The following LHFPL2 variants were observed in gnomAD, a reference collection of about 807,000 sequenced individuals.
LHFPL2 encodes the protein LHFPL tetraspan subfamily member 2.
A neutral mutation model predicts 17.5 loss-of-function variants in LHFPL2; 7 were observed. The ratio of observed to expected loss-of-function variants is 0.40; its 90% CI spans 0.23 to 0.75. The LOEUF is 0.75. Ranked by LOEUF, LHFPL2 falls within the 30% of genes least tolerant of loss-of-function variation. The probability of loss-of-function intolerance (pLI) is 0.37; values close to 1 mark genes in which losing one functional copy is unlikely to be tolerated. For synonymous variants in LHFPL2, 134 were observed against 116.2 expected (o/e 1.15, Z -0.99); for missense variants, 241 against 294.8 (o/e 0.82, Z 1.34).
At position 78,608,197 on chromosome 5, in the gene LHFPL2, T is replaced by C. The variant is rs551467791; in HGVS notation, c.-245+24067A>G. ...TTCTAAAAGGAACCAGAGATGGTCA[T>C]GAAAGCAGTGCTTCCTTAGCAGGAA... On this transcript the variant is annotated intron_variant, in intron 2 of 4. Transcript: ENST00000380345. Among the ~76,000 whole-genome samples the C allele has an allele frequency of 9.8e-5, 15 of 152,354 alleles. 1 individual carries two copies. The highest frequency in any genetic ancestry group is 3.4e-4 in the African/African-American group (14 of 41,584).
At chr5:78,642,455 C>T (rs538043593) in intron 1 of LHFPL2, among the ~76,000 whole-genome samples, 1 of 152,292 alleles carries the variant, frequency 6.6e-6, no homozygotes, top group South Asian at 2.1e-4. Context: ...AACATCAGTA[C>T]AAGCCTGGTC....
intron 2 of LHFPL2, among the ~76,000 whole-genome samples, chr5:78,617,577 G>C (rs992937284): frequency 6.6e-5 from 10 of 151,926 alleles, no homozygotes; most frequent in Admixed American, 5.2e-4. Flanking sequence ...TTCCCTAAAA[G>C]GTGCTTCCAA....
chr5:78,505,650 A>G (rs2112313617), intron 4 of LHFPL2, among the ~76,000 whole-genome samples: 1 of 152,334 alleles, frequency 6.6e-6, no homozygotes, highest in East Asian at 1.9e-4. Flanking sequence ...TTTGTGTTTG[A>G]TTGGAACAGA....
At chr5:78,581,303 C>T (rs1743127671) in intron 2 of LHFPL2, among the ~76,000 whole-genome samples, 2 of 152,164 alleles carry the variant, frequency 1.3e-5, no homozygotes, top group Non-Finnish European at 2.9e-5. Flanking sequence ...TGCCTAATTG[C>T]CCTGGCCAGA....
At chr5:78,505,044 C>T (rs1451212640) in intron 4 of LHFPL2, among the ~76,000 whole-genome samples, 1 of 152,212 alleles carries the variant, frequency 6.6e-6, no homozygotes, top group African/African-American at 2.4e-5. Context: ...TGAGCCAAAT[C>T]CTGAGCTCAG....
chr5:78,610,880 CAA>C (rs1744401893), intron 2 of LHFPL2, among the ~76,000 whole-genome samples: 1 of 149,286 alleles, frequency 6.7e-6, no homozygotes, highest in Admixed American at 6.7e-5. Context: ...TATCATGTGG[CAA>C]AGAGGAGATG....
intron 2 of LHFPL2, among the ~76,000 whole-genome samples, chr5:78,578,585 G>GCA (rs61127481): frequency 0.16 from 24,171 of 146,724 alleles, 1,930 homozygotes; most frequent in East Asian, 0.24. Context: ...TTGCATATGT[G>GCA]CACACACACA....
intron 1 of LHFPL2, chr5:78,644,413 C>A (rs1219622807): frequency 1.3e-6 from 1 of 750,122 alleles, no homozygotes; most frequent in East Asian, 2.7e-5. Context: ...AGCTTCACAG[C>A]CTTTTCATAA....
intron 4 of LHFPL2, among the ~76,000 whole-genome samples, chr5:78,509,212 G>T (rs539912796): frequency 2.0e-5 from 3 of 152,300 alleles, no homozygotes; most frequent in Non-Finnish European, 4.4e-5. Flanking sequence ...GGCTCTAGGA[G>T]ACAGACAATT....
chr5:78,550,982 C>G (rs1756424041), intron 3 of LHFPL2, among the ~76,000 whole-genome samples: 1 of 152,218 alleles, frequency 6.6e-6, no homozygotes, highest in South Asian at 2.1e-4. Flanking sequence ...ATTCTTACCT[C>G]ATTCACTAAA....
At chr5:78,635,882 T>C (rs929269798) in intron 1 of LHFPL2, among the ~76,000 whole-genome samples, 2 of 152,176 alleles carry the variant, frequency 1.3e-5, no homozygotes, top group African/African-American at 2.4e-5. Context: ...TGGTGTTTAG[T>C]CTTAGTTTTC....
intron 1 of LHFPL2, among the ~76,000 whole-genome samples, chr5:78,633,987 C>T (rs1745340239): frequency 6.6e-6 from 1 of 152,096 alleles, no homozygotes. Flanking sequence ...GTGAAATGAA[C>T]TCTGTGGTTA....
rs80049344 is a variant in LHFPL2 at position 78,625,293 on chromosome 5, G to A, written c.-245+6971C>T. On this transcript the variant is annotated intron_variant, in intron 2 of 4. Coordinates refer to ENST00000380345, the MANE Select transcript of LHFPL2 (RefSeq NM_005779.3). ...AAGTCACACATCCCTCTGAAAAGGC[G>A]GGGACTGGGCTGCAAAACGAGGGTA... The A allele has an allele frequency of 9.2e-3, 1,408 of 152,292 alleles. 25 individuals are homozygous for A. Among genetic ancestry groups the A allele is most frequent in the African/African-American group, 0.032 (1,313 of 41,496 alleles). 9.4% of individuals were successfully genotyped at this position (152,292 alleles called of 1,614,324 possible). A position where few individuals can be genotyped will look rare whatever the true frequency, so the allele number is the denominator to read the frequency against.
rs116267905 is a variant in LHFPL2, at chr5:78,541,510, C to T, written c.-186+23303G>A. On this transcript the variant is annotated intron_variant, in intron 3 of 4. Transcript: ENST00000380345. ...TTCACATTTACTCTGGTGTGGAAAA[C>T]GCAAAGTCAGTCCCCGGCCCAGTTC... Among the ~76,000 whole-genome samples the T allele has an allele frequency of 2.7e-3, 406 of 152,302 alleles. 2 individuals carry two copies. Among genetic ancestry groups the T allele is most frequent in the African/African-American group, 8.9e-3 (370 of 41,558 alleles).
chr5:78,518,120 A>G (rs892509926), intron 3 of LHFPL2, among the ~76,000 whole-genome samples: 6 of 152,250 alleles, frequency 3.9e-5, no homozygotes, highest in Non-Finnish European at 7.3e-5. Flanking sequence ...TTAAAACTTG[A>G]ATTTCAGGAG....
chr5:78,549,638 T>A (rs548742065), intron 3 of LHFPL2, among the ~76,000 whole-genome samples: 1 of 152,350 alleles, frequency 6.6e-6, no homozygotes, highest in East Asian at 1.9e-4. Context: ...CTCGATTTTC[T>A]TTCATCAGGA....
chr5:78,626,017 G>A (rs557206170), intron 2 of LHFPL2: 13 of 152,308 alleles, frequency 8.5e-5, no homozygotes, highest in South Asian at 2.1e-4. Context: ...GTCGGGTTGC[G>A]GCCAGGTGAC....
At chr5:78,593,041 G>A (rs899034921) in intron 2 of LHFPL2, among the ~76,000 whole-genome samples, 6 of 152,132 alleles carry the variant, frequency 3.9e-5, no homozygotes, top group African/African-American at 1.4e-4. Flanking sequence ...AAAGCCAACA[G>A]GTGCTCCCAT....
chr5:78,584,894 C>T (rs1367705924), intron 2 of LHFPL2, among the ~76,000 whole-genome samples: 3 of 151,914 alleles, frequency 2.0e-5, no homozygotes, highest in Non-Finnish European at 4.4e-5. Context: ...TCGCTGCCGC[C>T]TTGCAGTTTG....
Sources: allele counts gnomAD v4.1 joint callset (sites outside exome capture counted in the v4.1 genomes callset), GRCh38; gene constraint gnomAD v4.1.1; transcripts MANE v1.5; gene names NCBI Gene and HGNC (gene_info 2026-07-23, HGNC 2026-07-21).